Variants in AHDC1 observed in about 807,000 individuals in gnomAD.
The protein encoded by AHDC1 is AT-hook DNA binding motif containing 1, also known as transcription factor Gibbin.
Under a neutral mutation model 87.9 loss-of-function variants are expected in AHDC1, and 7 were observed. That is an observed-to-expected ratio of 0.08 (90% CI 0.05 to 0.15). The LOEUF (loss-of-function observed/expected upper bound fraction) is 0.15. AHDC1 is among the 10% of genes least tolerant of loss of function. AHDC1 has a pLI of 1.00. For missense variants in AHDC1, 1,841 were observed against 2,253.2 expected (o/e 0.82, Z 3.70); for synonymous variants, 1,051 against 1,006.8 (o/e 1.04, Z -0.83).
intron 3 of AHDC1, among the ~76,000 whole-genome samples, chr1:27,586,032 G>A (rs2089046403): frequency 6.6e-6 from 1 of 152,206 alleles, no homozygotes; most frequent in Non-Finnish European, 1.5e-5. Context: ...CAATGTGGAT[G>A]GGCATGCTGT....
chr1:27,548,569 G>A lies in AHDC1; in HGVS notation c.3547C>T (p.Arg1183Trp), dbSNP rs923632705. 8.1e-6 allele frequency: 13 copies of A among 1,613,482 alleles called. No homozygotes were observed. The highest frequency in any genetic ancestry group is 1.1e-5 in the Non-Finnish European group (13 of 1,179,988). ...CTTGAGGCCTCGCTGTTGGCACGCC[G>A]AAACCCCCCGCCACCAACCGGCTGA... ...FNQPVGGGGF[R>W]RANSEASSSE... The change falls in exon 8 of 9, where the codon CGG (arginine) becomes TGG (tryptophan). Residue 1183 changes from arginine (R) to tryptophan (W), a missense_variant. Physicochemically the swap from Arg to Trp is moderately radical, Grantham distance 101. This residue lies in a region of AHDC1 where 505 missense variants were observed against 626.2 expected (regional missense o/e 0.81). Coordinates refer to ENST00000673934, the MANE Select transcript of AHDC1 (RefSeq NM_001371928.1).
intron 3 of AHDC1, among the ~76,000 whole-genome samples, chr1:27,564,120 AAG>A: frequency 6.6e-6 from 1 of 152,054 alleles, no homozygotes; most frequent in South Asian, 2.1e-4. Flanking sequence ...AGCTGGGGAC[AAG>A]GAGGCCAAAG....
rs886615682 is a variant in AHDC1, at chr1:27,561,529, G to T, written c.-628-2646C>A. On this transcript the variant is annotated intron_variant, in intron 3 of 8. Coordinates refer to ENST00000673934, the MANE Select transcript of AHDC1 (RefSeq NM_001371928.1). The surrounding 1 kb of genome is among the most constrained non-coding windows in gnomAD (Gnocchi z 4.2). ...GAACACAGCAAGGAGGGGTGCAGGG[G>T]CTGGGCTGGGACTAAGGCTCCCTTC... is the stretch of plus-strand genomic sequence containing the variant. Among the ~76,000 whole-genome samples, 1 of 152,140 alleles carries T rather than the reference G, an allele frequency of 6.6e-6. No homozygotes were observed. The highest frequency in any genetic ancestry group is 2.4e-5 in the African/African-American group (1 of 41,412).
chr1:27,548,904 G>A lies in AHDC1; in HGVS notation c.3212C>T (p.Pro1071Leu), dbSNP rs1207775129. The A allele has an allele frequency of 1.2e-6, 2 of 1,608,078 alleles. No individual in the cohort carries two copies. The highest frequency in any genetic ancestry group is 1.7e-6 in the Non-Finnish European group (2 of 1,177,604). Residue 1071 changes from proline (P) to leucine (L), a missense_variant, in exon 8 of 9, where the codon CCC (proline) becomes CTC (leucine). Transcript: ENST00000673934. ...GGTGGCAGAGGCTGTGGTGCCCTTGGGTACCATGTAGCCACCGGGCGAGAC... is the reference window on the plus strand; with the variant it reads ...GGTGGCAGAGGCTGTGGTGCCCTTGAGTACCATGTAGCCACCGGGCGAGAC... Reference protein sequence around the residue: ...STVSPGGYMVPKGTTASATSA... With the variant: ...STVSPGGYMVLKGTTASATSA...
In AHDC1 at chr1:27,563,344, GACACACACAC is replaced by G. The variant is rs58219407; in HGVS notation, c.-628-4471_-628-4462del. 6.8e-6 allele frequency among the ~76,000 whole-genome samples: 1 copy of G among 148,004 alleles called. No individual in the cohort carries two copies. The highest frequency in any genetic ancestry group is 1.5e-5 in the Non-Finnish European group (1 of 66,364). On this transcript the variant is annotated intron_variant, in intron 3 of 8. Transcript: ENST00000673934. The surrounding 1 kb of genome is among the most constrained non-coding windows in gnomAD (Gnocchi z 6.1). The stretch of plus-strand genomic sequence containing the variant: ...CAGAACCTGTCACACAGCTGACCAA[GACACACACAC>G]ACACACACACACACGTGGGACAAGT...
At position 27,550,850 on chromosome 1, in the gene AHDC1, C is replaced by T. The variant is rs758108900; in HGVS notation, c.1266G>A (p.Leu422=). 53 of 1,572,958 alleles carry T rather than the reference C, an allele frequency of 3.4e-5. No homozygotes were observed. The highest frequency in any genetic ancestry group is 4.2e-5 in the Non-Finnish European group (49 of 1,162,838). Residue 422 remains leucine, a synonymous_variant, in exon 8 of 9, where the codon CTG becomes CTA. Coordinates refer to ENST00000673934, the MANE Select transcript of AHDC1 (RefSeq NM_001371928.1). ...RLLPLPMPTG[L]VAALAEPPPP... ...GTGGGGGTTCGGCCAGGGCAGCCAC[C>T]AGCCCCGTGGGCATAGGCAGGGGCA...
chr1:27,575,879 T>G (rs1260437267), intron 3 of AHDC1, among the ~76,000 whole-genome samples: 1 of 129,526 alleles, frequency 7.7e-6, no homozygotes, highest in African/African-American at 2.9e-5. Flanking sequence ...GGCCCTCTGC[T>G]GCCCGCTGAA....
intron 8 of AHDC1, among the ~76,000 whole-genome samples, chr1:27,545,744 C>CA (rs796391615): frequency 3.6e-3 from 420 of 116,008 alleles, no homozygotes; most frequent in Middle Eastern, 0.018. Flanking sequence ...AAGATGCTGC[C>CA]AAAAAAAAAA....
intron 3 of AHDC1, among the ~76,000 whole-genome samples, chr1:27,594,609 G>T (rs1235139886): frequency 6.6e-6 from 1 of 152,222 alleles, no homozygotes; most frequent in Non-Finnish European, 1.5e-5. Flanking sequence ...GGAATGAAAG[G>T]CCTGGGGCGG....
intron 3 of AHDC1, among the ~76,000 whole-genome samples, chr1:27,588,642 G>T (rs1198938506): frequency 6.6e-6 from 1 of 152,204 alleles, no homozygotes; most frequent in Non-Finnish European, 1.5e-5. Flanking sequence ...GAAGGAAAAT[G>T]ATGGTGTGAG....
intron 3 of AHDC1, among the ~76,000 whole-genome samples, chr1:27,594,982 T>C (rs2089326916): frequency 6.6e-6 from 1 of 151,626 alleles, no homozygotes; most frequent in Non-Finnish European, 1.5e-5. Context: ...GTACCGGAGC[T>C]GAGACTGTCT....
In AHDC1 at chr1:27,548,815, G is replaced by C. The variant is rs1332706604; in HGVS notation, c.3301C>G (p.Gln1101Glu). Residue 1101 changes from glutamine (Q) to glutamate (E), a missense_variant, in exon 8 of 9, where the codon CAG (glutamine) becomes GAG (glutamate). Gln to Glu is a conservative substitution (Grantham distance 29). This residue lies in a region of AHDC1 where 378 missense variants were observed against 399.0 expected (regional missense o/e 0.95). Transcript: ENST00000673934. Reference protein sequence around the residue: ...SFQPSPENCRQFAGASQWPFR... With the variant: ...SFQPSPENCREFAGASQWPFR... The stretch of plus-strand genomic sequence containing the variant: ...GGCCACTGAGAAGCCCCCGCAAACT[G>C]CCGACAGTTCTCGGGCGAGGGCTGG... The C allele has an allele frequency of 2.5e-6, 4 of 1,612,954 alleles. No individual in the cohort carries two copies. The highest frequency in any genetic ancestry group is 3.4e-6 in the Non-Finnish European group (4 of 1,179,876).
chr1:27,559,632 T>C (rs182153531), intron 3 of AHDC1, among the ~76,000 whole-genome samples: 1 of 152,344 alleles, frequency 6.6e-6, no homozygotes, highest in African/African-American at 2.4e-5. Context: ...TTACTGACAA[T>C]GCAGATGTGA....
At position 27,552,178 on chromosome 1, in the gene AHDC1, C is replaced by T. The variant is rs1341545203; in HGVS notation, c.-63G>A. On this transcript the variant is annotated 5_prime_UTR_variant, in exon 8 of 9. Transcript: ENST00000673934. ...GGGCTGACATGAGGGTGCGAGAAGC[C>T]GGGACCAGGACCTGCCAGGCAGGAA... 8 of 1,425,234 alleles carry T rather than the reference C, an allele frequency of 5.6e-6. No individual in the cohort carries two copies. Among genetic ancestry groups the T allele is most frequent in the Non-Finnish European group, 7.3e-6 (8 of 1,092,806 alleles). The allele number at this position is 1,425,234 out of a possible 1,614,324, so 88.3% of individuals were successfully genotyped here. A position where few individuals can be genotyped will look rare whatever the true frequency, so the allele number is the denominator to read the frequency against.
chr1:27,592,314 C>T lies in AHDC1; in HGVS notation c.-629+11083G>A, dbSNP rs571910046. Among the ~76,000 whole-genome samples the T allele has an allele frequency of 3.9e-4, 60 of 152,096 alleles. 1 individual carries two copies. The highest frequency in any genetic ancestry group is 6.0e-4 in the Non-Finnish European group (41 of 67,996). On this transcript the variant is annotated intron_variant, in intron 3 of 8. Transcript: ENST00000673934. ...CACCCAGCTTGTCACCTGCCTGCCT[C>T]GCACCCGCACCACCTGTCACCCACC...
chr1:27,578,060 C>G (rs961441976), intron 3 of AHDC1, among the ~76,000 whole-genome samples: 65 of 152,220 alleles, frequency 4.3e-4, no homozygotes, highest in African/African-American at 1.5e-3. Flanking sequence ...TGGCTCATAA[C>G]TCCTCTGGAC....
At chr1:27,595,000 G>C (rs200807314) in intron 3 of AHDC1, among the ~76,000 whole-genome samples, 3 of 152,036 alleles carry the variant, frequency 2.0e-5, no homozygotes, top group African/African-American at 7.3e-5. Context: ...TCTGGGAAGC[G>C]GTGGGGCCGG....
intron 3 of AHDC1, among the ~76,000 whole-genome samples, chr1:27,584,814 A>T (rs2089002988): frequency 1.3e-5 from 2 of 152,196 alleles, no homozygotes; most frequent in Admixed American, 6.5e-5. Context: ...CCTAGACTAG[A>T]GGCTCCCCAG....
chr1:27,574,655 G>C (rs548272691), intron 3 of AHDC1, among the ~76,000 whole-genome samples: 2 of 152,204 alleles, frequency 1.3e-5, no homozygotes, highest in Admixed American at 1.3e-4. Context: ...CTGGCAGGGG[G>C]AGAAGGGTCC....
Sources: allele counts gnomAD v4.1 joint callset (sites outside exome capture counted in the v4.1 genomes callset), GRCh38; gene constraint gnomAD v4.1.1; regional missense constraint gnomAD v4.1.1; non-coding constraint Gnocchi (gnomAD v3.1); transcripts MANE v1.5; gene names NCBI Gene and HGNC (gene_info 2026-07-23, HGNC 2026-07-21).